DOCK1: variants seen among roughly 807,000 people sequenced by gnomAD.
DOCK1 encodes dedicator of cytokinesis protein 1.
Under a neutral mutation model 262.7 loss-of-function variants are expected in DOCK1, and 138 were observed. The observed-to-expected ratio is 0.53, with a 90% CI of 0.46 to 0.61. The LOEUF (loss-of-function observed/expected upper bound fraction) is 0.61. Ranked by LOEUF, DOCK1 falls within the 20% of genes least tolerant of loss-of-function variation. DOCK1 has a pLI of 0.00. For synonymous variants in DOCK1, 866 were observed against 867.4 expected (o/e 1.00, Z 0.03); for missense variants, 1,908 against 2,370.7 (o/e 0.80, Z 4.05).
rs774873914 is a variant in DOCK1 at position 127,146,065 on chromosome 10, T to TGCGTGG, written c.2847+18305_2847+18306insGGGCGT. 1.5e-5 allele frequency: 8 copies of TGCGTGG among 517,496 alleles called. No individual in the cohort carries two copies. The Admixed American group carries it at 1.6e-4, about 10-fold the overall frequency. 32.1% of individuals were successfully genotyped at this position (517,496 alleles called of 1,614,324 possible). ...CAGCCCTAGACATCGTGGCCAGGACTGCGTCCCGTATTTACCCCCAGAAAA... is the reference window on the plus strand; with the variant it reads ...CAGCCCTAGACATCGTGGCCAGGACTGCGTGGGCGTCCCGTATTTACCCCCAGAAAA... On this transcript the variant is annotated intron_variant, in intron 27 of 51. Transcript: ENST00000623213.
intron 25 of DOCK1, among the ~76,000 whole-genome samples, chr10:127,113,004 C>A (rs2132900633): frequency 6.6e-6 from 1 of 152,292 alleles, no homozygotes; most frequent in South Asian, 2.1e-4. Context: ...CACCAGAAAT[C>A]TTCCAGTTGG....
At chr10:126,975,617 TTC>T (rs2038466994) in intron 2 of DOCK1, among the ~76,000 whole-genome samples, 1 of 152,052 alleles carries the variant, frequency 6.6e-6, no homozygotes, top group South Asian at 2.1e-4. Context: ...TTTGCTCATT[TTC>T]TTTCTTTTCT....
intron 23 of DOCK1, among the ~76,000 whole-genome samples, chr10:127,092,772 C>T (rs900067047): frequency 3.9e-5 from 6 of 152,124 alleles, no homozygotes; most frequent in African/African-American, 1.2e-4. Flanking sequence ...CGTGAGCCAC[C>T]GCGCCCGGCA....
chr10:127,147,698 A>G (rs1035382031), intron 27 of DOCK1, among the ~76,000 whole-genome samples: 4 of 152,070 alleles, frequency 2.6e-5, no homozygotes, highest in African/African-American at 7.2e-5. Context: ...CCCCAAATGG[A>G]AAGGGCTAAG....
chr10:127,349,559 T>C lies in DOCK1; in HGVS notation c.3225-5110T>C, dbSNP rs1030215723. On this transcript the variant is annotated intron_variant, in intron 31 of 51. Coordinates refer to ENST00000623213, the MANE Select transcript of DOCK1 (RefSeq NM_001290223.2). ...TCAAACTGCAGGTCTCAACCTTTGATTGGGTCAGAATATTCACTTAAAGGG... is the reference window on the plus strand; with the variant it reads ...TCAAACTGCAGGTCTCAACCTTTGACTGGGTCAGAATATTCACTTAAAGGG... Among the ~76,000 whole-genome samples the C allele has an allele frequency of 3.3e-5, 5 of 152,106 alleles. No individual in the cohort carries two copies. The South Asian group carries it at 1.0e-3, about 32-fold the overall frequency.
chr10:126,932,459 G>A (rs902418708), intron 1 of DOCK1, among the ~76,000 whole-genome samples: 8,024 of 152,288 alleles, frequency 0.053, 277 homozygotes, highest in Middle Eastern at 0.088. Flanking sequence ...AGGATTTCTC[G>A]AAAAGTAAAA....
chr10:127,043,043 T>C (rs773070006), intron 20 of DOCK1, 21 bp from the exon 21 acceptor site: 5 of 1,551,170 alleles, frequency 3.2e-6, no homozygotes, highest in Non-Finnish European at 4.4e-6. Flanking sequence ...CTAATGAAAA[T>C]ATTATTGATT....
intron 51 of DOCK1, among the ~76,000 whole-genome samples, chr10:127,449,131 G>A (rs529530010): frequency 6.6e-6 from 1 of 152,284 alleles, no homozygotes; most frequent in East Asian, 1.9e-4. Context: ...CTGTGAAGAG[G>A]GCTTTCTGGC....
At chr10:127,016,899 C>A (rs1240163591) in intron 12 of DOCK1, among the ~76,000 whole-genome samples, 2 of 132,572 alleles carry the variant, frequency 1.5e-5, no homozygotes, top group South Asian at 2.5e-4. Context: ...GATGCAGACA[C>A]CACAAACACA....
At chr10:126,947,773 GTGGTGATGGTGGTGGT>G (rs2035640329) in intron 1 of DOCK1, among the ~76,000 whole-genome samples, 1 of 136,606 alleles carries the variant, frequency 7.3e-6, no homozygotes, top group Non-Finnish European at 1.6e-5. Context: ...ATTACTGTTG[GTGGTGATGGTGGTGGT>G]TGGTAGTATT....
At chr10:127,407,469 G>A (rs1391831871) in intron 40 of DOCK1, among the ~76,000 whole-genome samples, 1 of 152,110 alleles carries the variant, frequency 6.6e-6, no homozygotes, top group Non-Finnish European at 1.5e-5. Context: ...TATCACCTTG[G>A]TGATTAGGTT....
chr10:127,327,499 G>A (rs1232314432), intron 29 of DOCK1, among the ~76,000 whole-genome samples: 1 of 152,196 alleles, frequency 6.6e-6, no homozygotes, highest in African/African-American at 2.4e-5. Context: ...ACAGAGTTTA[G>A]GGCCTTGCTC....
intron 38 of DOCK1, among the ~76,000 whole-genome samples, chr10:127,394,910 G>C (rs927721053): frequency 6.6e-6 from 1 of 152,154 alleles, no homozygotes; most frequent in African/African-American, 2.4e-5. Flanking sequence ...ACACAGGTGG[G>C]CGCTGGGTCT....
intron 1 of DOCK1, among the ~76,000 whole-genome samples, chr10:126,923,989 T>C (rs1209830218): frequency 6.6e-6 from 1 of 152,220 alleles, no homozygotes; most frequent in Admixed American, 6.5e-5. Flanking sequence ...GGGAAATGAA[T>C]TTCCATTGTT....
chr10:126,928,758 A>G (rs2134166228), intron 1 of DOCK1, among the ~76,000 whole-genome samples: 1 of 152,364 alleles, frequency 6.6e-6, no homozygotes, highest in African/African-American at 2.4e-5. Context: ...CCACAAGCCA[A>G]GGAGTGGAGG....
intron 1 of DOCK1, among the ~76,000 whole-genome samples, chr10:126,954,426 G>C (rs969635090): frequency 0.022 from 3,424 of 152,314 alleles, 120 homozygotes; most frequent in African/African-American, 0.078. Context: ...ATTGTGGCAA[G>C]ATATATATAA....
chr10:127,192,165 A>G (rs2056805076), intron 27 of DOCK1, among the ~76,000 whole-genome samples: 1 of 152,144 alleles, frequency 6.6e-6, no homozygotes, highest in Non-Finnish European at 1.5e-5. Flanking sequence ...TTTTTTGCTC[A>G]AACTTCCTAA....
chr10:127,323,058 GCTCGATCAA>G (rs2062604720), intron 29 of DOCK1, among the ~76,000 whole-genome samples: 1 of 38,748 alleles, frequency 2.6e-5, no homozygotes. Context: ...ATTGATCAAT[GCTCGATCAA>G]TGCGAGCTCC....
At chr10:127,097,495 G>A (rs1427248037) in intron 23 of DOCK1, among the ~76,000 whole-genome samples, 1 of 152,126 alleles carries the variant, frequency 6.6e-6, no homozygotes, top group Admixed American at 6.5e-5. Flanking sequence ...TGCATTTGGT[G>A]GTAATTTCAG....
Sources: gnomAD v4.1 joint callset for allele counts (sites outside exome capture counted in the v4.1 genomes callset) on GRCh38, gnomAD v4.1.1 for gene constraint, MANE v1.5 for transcripts, NCBI Gene and HGNC (gene_info 2026-07-23, HGNC 2026-07-21) for gene names.